PDE1A: variants seen among roughly 807,000 people sequenced by gnomAD.
The protein encoded by PDE1A is dual specificity calcium/calmodulin-dependent 3',5'-cyclic nucleotide phosphodiesterase 1A.
PDE1A carries 35 observed loss-of-function variants against 61.7 expected under a neutral mutation model. That is an observed-to-expected ratio of 0.57 (90% confidence interval 0.43 to 0.75). The LOEUF is 0.75. Ranked by LOEUF, PDE1A falls within the 30% of genes least tolerant of loss-of-function variation. PDE1A has a pLI of 0.00. For missense variants in PDE1A, 597 were observed against 630.6 expected, an observed-to-expected ratio of 0.95 and a Z score of 0.57; for synonymous variants, 232 against 213.2, an observed-to-expected ratio of 1.09 and a Z score of -0.77.
chr2:182,345,437 C>T (rs756532206), intron 1 of PDE1A, among the ~76,000 whole-genome samples: 32 of 152,290 alleles, frequency 2.1e-4, no homozygotes, highest in Non-Finnish European at 4.0e-4. Context: ...AGCTTTCCAT[C>T]ATCTATTCTG....
At chr2:182,158,693 C>T (rs1458538996) in intron 13 of PDE1A, among the ~76,000 whole-genome samples, 2 of 152,128 alleles carry the variant, frequency 1.3e-5, no homozygotes, top group African/African-American at 4.8e-5. Context: ...ACTCACTACC[C>T]AGTTGTCTTG....
chr2:182,709,774 C>G, the PDE1A span, among the ~76,000 whole-genome samples: 1 of 152,138 alleles, frequency 6.6e-6, no homozygotes, highest in Admixed American at 6.5e-5. Context: ...CCTTGGTTTC[C>G]CAAGCAAGTG....
At position 182,451,185 on chromosome 2, in the gene PDE1A, C is replaced by T. The variant is rs1042933926; in HGVS notation, c.101+71091G>A. ...CGAAGTCAGGAGATCGAGACCATCC[C>T]GGCTAACACGGTGAAACCCTGTCTC... On this transcript the variant is annotated intron_variant, in intron 2 of 14. Coordinates refer to the PDE1A transcript ENST00000410103. 3.7e-4 allele frequency among the ~76,000 whole-genome samples: 29 copies of T among 77,492 alleles called. 11 individuals are homozygous for T. The highest frequency in any genetic ancestry group is 7.5e-4 in the African/African-American group (16 of 21,354). The allele number at this position is 77,492 out of a possible 152,430, so 50.8% of individuals were successfully genotyped here.
chr2:182,273,635 ATCTTT>A (rs1245178524), intron 1 of PDE1A, among the ~76,000 whole-genome samples: 2 of 152,158 alleles, frequency 1.3e-5, no homozygotes, highest in Non-Finnish European at 2.9e-5. Flanking sequence ...GGCTGAATTT[ATCTTT>A]TCTTTTTTCT....
chr2:182,589,628 C>A, the PDE1A span, among the ~76,000 whole-genome samples: 1 of 152,134 alleles, frequency 6.6e-6, no homozygotes, highest in Non-Finnish European at 1.5e-5. Flanking sequence ...TGCAATCCCA[C>A]GAAAAATGCT....
intron 6 of PDE1A, 148 bp from the exon 7 acceptor site, chr2:182,224,112 T>C: frequency 1.7e-6 from 1 of 579,116 alleles, no homozygotes; most frequent in Non-Finnish European, 3.0e-6. Context: ...TTACCTCCAC[T>C]AATTGTGCAA....
intron 1 of PDE1A, among the ~76,000 whole-genome samples, chr2:182,300,674 T>C (rs754843261): frequency 6.6e-6 from 1 of 152,208 alleles, no homozygotes; most frequent in Non-Finnish European, 1.5e-5. Context: ...GAAATAATTA[T>C]AGAAGTAGGC....
chr2:182,431,844 C>T (rs1384397065), upstream of PDE1A, among the ~76,000 whole-genome samples: 1 of 152,070 alleles, frequency 6.6e-6, no homozygotes, highest in Non-Finnish European at 1.5e-5. Context: ...GAAGAAACAA[C>T]TTACCACTCC....
At chr2:182,419,005 T>C (rs1306109379) in intron 1 of PDE1A, among the ~76,000 whole-genome samples, 2 of 152,044 alleles carry the variant, frequency 1.3e-5, no homozygotes, top group African/African-American at 4.8e-5. Flanking sequence ...TTGTCTTCAA[T>C]GTTTAAAGAG....
chr2:182,276,864 A>G lies in PDE1A; in HGVS notation c.54-12450T>C, dbSNP rs111791693. On this transcript the variant is annotated intron_variant, in intron 1 of 13. Coordinates refer to ENST00000351439, the Ensembl canonical transcript of PDE1A. ...CAGCTGCTCTAGGAGTGTCTGTCTT[A>G]TGTGGTTGAGATAAGGACTGAAATA... 6.8e-3 allele frequency among the ~76,000 whole-genome samples: 1,027 copies of G among 152,070 alleles called. 8 individuals are homozygous for G. The highest frequency in any genetic ancestry group is 0.023 in the African/African-American group (943 of 41,492).
At chr2:182,406,090 T>C (rs1702280963) in intron 1 of PDE1A, among the ~76,000 whole-genome samples, 1 of 152,112 alleles carries the variant, frequency 6.6e-6, no homozygotes, top group Non-Finnish European at 1.5e-5. Flanking sequence ...TAGAATATTT[T>C]GAGCATGCTG....
chr2:182,379,599 C>T (rs1700610380), intron 1 of PDE1A, among the ~76,000 whole-genome samples: 2 of 152,046 alleles, frequency 1.3e-5, no homozygotes, highest in Non-Finnish European at 2.9e-5. Flanking sequence ...ACTAAATATT[C>T]CTGTAAAGGT....
intron 1 of PDE1A, among the ~76,000 whole-genome samples, chr2:182,390,286 C>G (rs1329905999): frequency 1.3e-5 from 2 of 152,030 alleles, no homozygotes; most frequent in African/African-American, 4.8e-5. Flanking sequence ...GATTAAACCC[C>G]AAAATACTAA....
intron 1 of PDE1A, among the ~76,000 whole-genome samples, chr2:182,294,079 G>A (rs1483767173): frequency 6.6e-6 from 1 of 152,126 alleles, no homozygotes; most frequent in African/African-American, 2.4e-5. Context: ...AGGACAAAGT[G>A]GAACAACAAA....
intron 10 of PDE1A, among the ~76,000 whole-genome samples, chr2:182,192,351 T>A (rs1685773595): frequency 6.6e-6 from 1 of 152,090 alleles, no homozygotes; most frequent in Admixed American, 6.6e-5. Flanking sequence ...AATGCTAAAG[T>A]ACATTAATTA....
At chr2:182,359,399 C>T (rs1252808975) in intron 1 of PDE1A, among the ~76,000 whole-genome samples, 1 of 152,064 alleles carries the variant, frequency 6.6e-6, no homozygotes, top group African/African-American at 2.4e-5. Context: ...TTTTATTGAG[C>T]GACTTTATAA....
In PDE1A at chr2:182,310,544, C is replaced by T. The variant is rs546934332; in HGVS notation, c.54-46130G>A. Among the ~76,000 whole-genome samples, 7 of 152,242 alleles carry T rather than the reference C, an allele frequency of 4.6e-5. No individual in the cohort carries two copies. In the South Asian group the frequency reaches 1.2e-3, roughly 27 times the overall value. On this transcript the variant is annotated intron_variant, in intron 1 of 13. Coordinates refer to ENST00000351439, the Ensembl canonical transcript of PDE1A. Reference sequence around the variant, plus strand: ...GTTTGACTATATTACACTATTCCATCCTCAGTATATCTTTGAGTGGTAGGC... The same window carrying T: ...GTTTGACTATATTACACTATTCCATTCTCAGTATATCTTTGAGTGGTAGGC...
At chr2:182,523,165 T>G (rs1323742561), upstream of PDE1A, 1 of 152,164 alleles carries the variant, frequency 6.6e-6, no homozygotes, top group Non-Finnish European at 1.5e-5. Context: ...ATACGGCAGC[T>G]GCACACAGCC....
chr2:182,522,609 T>A, intron 1 of PDE1A: 1 of 1,306,064 alleles, frequency 7.7e-7, no homozygotes, highest in African/African-American at 1.5e-5. Flanking sequence ...TATAAACAGA[T>A]GCTCTGACCT....
Sources: allele counts gnomAD v4.1 joint callset (sites outside exome capture counted in the v4.1 genomes callset), GRCh38; gene constraint gnomAD v4.1.1; transcripts MANE v1.5; gene names NCBI Gene and HGNC (gene_info 2026-07-23, HGNC 2026-07-21).